The following IPO5 variants were observed in gnomAD, a reference collection of about 807,000 sequenced individuals.
IPO5 encodes the protein importin 5.
A neutral mutation model predicts 143.3 loss-of-function variants in IPO5; 18 were observed. The observed-to-expected ratio is 0.13, with a 90% CI of 0.09 to 0.19. The LOEUF (loss-of-function observed/expected upper bound fraction) is 0.19. IPO5 is among the 10% of genes least tolerant of loss of function. IPO5 has a pLI of 1.00. For synonymous variants in IPO5, 477 were observed against 465.7 expected (o/e 1.02, Z -0.31); for missense variants, 1,013 against 1,336.9 (o/e 0.76, Z 3.78).
At chr13:97,993,043 G>C (rs148571963) in intron 10 of IPO5, 29 bp downstream of exon 10, 1 of 1,611,384 alleles carries the variant, frequency 6.2e-7, no homozygotes, top group Admixed American at 1.7e-5. Context: ...TAAACGTTCT[G>C]TTTGTTATTT....
rs143202833 is a variant in IPO5 at position 97,965,901 on chromosome 13, C to T, written c.-112-3822C>T. 2.3e-3 allele frequency among the ~76,000 whole-genome samples: 354 copies of T among 151,778 alleles called. 9 individuals are homozygous for T. The East Asian group carries it at 0.062, about 27-fold the overall frequency. On this transcript the variant is annotated intron_variant, in intron 2 of 28. Transcript: ENST00000651721. ...CGCCTGTAATCCCAGCACTTTGGGG[C>T]GGCCGAGGCAGGCGGATCATGAGAT...
Position 97,969,758 on chromosome 13 carries a change from A to T in IPO5, c.-77A>T. 6.2e-7 allele frequency: 1 copy of T among 1,603,796 alleles called. No homozygotes were observed. Among genetic ancestry groups the T allele is most frequent in the Non-Finnish European group, 8.5e-7 (1 of 1,170,954 alleles). On this transcript the variant is annotated 5_prime_UTR_variant, in exon 3 of 29. Transcript: ENST00000651721. ...AAATTCCTAAGGGAACACTGCTCAGAAAGTACTGCAGCATGTCTTCAAATG... is the reference window on the plus strand; with the variant it reads ...AAATTCCTAAGGGAACACTGCTCAGTAAGTACTGCAGCATGTCTTCAAATG...
chr13:97,976,750 G>T lies in IPO5; in HGVS notation c.54G>T (p.Leu18=), dbSNP rs780409203. ...QQQFYLLLGN[L]LSPDNVVRKQ... Reference sequence around the variant, plus strand: ...AGTTCTACCTGCTCCTGGGAAACCTGCTCAGCCCCGACAATGTGGTCCGGA... The same window carrying T: ...AGTTCTACCTGCTCCTGGGAAACCTTCTCAGCCCCGACAATGTGGTCCGGA... Residue 18 remains leucine (L), a synonymous_variant, in exon 4 of 29, where the codon CTG becomes CTT. Transcript: ENST00000651721. 3 of 1,415,598 alleles carry T rather than the reference G, an allele frequency of 2.1e-6. No homozygotes were observed. The highest frequency in any genetic ancestry group is 2.8e-6 in the Non-Finnish European group (3 of 1,060,490). The allele number at this position is 1,415,598 out of a possible 1,614,324, so 87.7% of individuals were successfully genotyped here.
In IPO5 at chr13:98,002,684, C is replaced by A; in HGVS notation, c.1234C>A (p.His412Asn). Residue 412 changes from histidine to asparagine, a missense_variant and splice_region_variant, in exon 15 of 29, where the codon CAT becomes AAT. Coordinates refer to ENST00000651721, the MANE Select transcript of IPO5 (RefSeq NM_002271.6). ...NFVLLFLQDP[H>N]PRVRYAACNA... Reference sequence around the variant, plus strand: ...ACTAATGAAAGGGAACATTTTCCAGCATCCAAGAGTAAGGTATGCAGCCTG... The same window carrying A: ...ACTAATGAAAGGGAACATTTTCCAGAATCCAAGAGTAAGGTATGCAGCCTG... The A allele has an allele frequency of 6.2e-7, 1 of 1,607,796 alleles. No homozygotes were observed. The highest frequency in any genetic ancestry group is 1.1e-5 in the South Asian group (1 of 90,328).
chr13:98,011,379 C>T (rs1457325384), intron 20 of IPO5, among the ~76,000 whole-genome samples: 7 of 152,176 alleles, frequency 4.6e-5, no homozygotes, highest in African/African-American at 1.7e-4. Context: ...CAGCCTCCGT[C>T]TCCTGGGTTC....
At chr13:97,973,342 CCT>C (rs1448615012) in intron 3 of IPO5, among the ~76,000 whole-genome samples, 7 of 152,192 alleles carry the variant, frequency 4.6e-5, no homozygotes, top group East Asian at 1.9e-4. Flanking sequence ...GCACCCAGCC[CCT>C]GAGTTATTTT....
intron 4 of IPO5, among the ~76,000 whole-genome samples, chr13:97,978,048 G>GTA (rs1886530273): frequency 6.6e-6 from 1 of 152,186 alleles, no homozygotes; most frequent in Non-Finnish European, 1.5e-5. Context: ...ATTAAGTGAA[G>GTA]TAAACACACC....
At chr13:97,962,754 G>A (rs1028259678) in intron 2 of IPO5, among the ~76,000 whole-genome samples, 1 of 151,966 alleles carries the variant, frequency 6.6e-6, no homozygotes, top group Admixed American at 6.6e-5. Flanking sequence ...GGGAGGCAGA[G>A]GTTGCAGTGA....
At chr13:97,992,843 C>G (rs1416769292) in intron 9 of IPO5, 49 bp from the exon 10 acceptor site, 1 of 1,552,852 alleles carries the variant, frequency 6.4e-7, no homozygotes, top group South Asian at 1.2e-5. Context: ...GCTAATGAGG[C>G]ATTATAAAGT....
Position 98,000,714 on chromosome 13 carries a change from T to C in IPO5, c.1108+69T>C, listed in dbSNP as rs747078644. On this transcript the variant is annotated intron_variant, in intron 13 of 28. Transcript: ENST00000651721. ...TTTCTAAAGCTTAAATTCTAAGATATGTTTAGACTGTTAAAAATTAATCTT... is the reference window on the plus strand; with the variant it reads ...TTTCTAAAGCTTAAATTCTAAGATACGTTTAGACTGTTAAAAATTAATCTT... The C allele has an allele frequency of 3.9e-4, 362 of 937,488 alleles. 2 individuals carry two copies. The highest frequency in any genetic ancestry group is 5.9e-4 in the Non-Finnish European group (341 of 576,194). 58.1% of individuals were successfully genotyped at this position (937,488 alleles called of 1,614,324 possible).
At chr13:97,970,141 A>G (rs1371602564) in intron 3 of IPO5, among the ~76,000 whole-genome samples, 1 of 152,230 alleles carries the variant, frequency 6.6e-6, no homozygotes, top group African/African-American at 2.4e-5. Flanking sequence ...CAATTTTAAA[A>G]TTTCTAGTAG....
chr13:97,993,428 C>G (rs1887964045), intron 11 of IPO5, among the ~76,000 whole-genome samples: 1 of 152,220 alleles, frequency 6.6e-6, no homozygotes. Flanking sequence ...TGCAGACACC[C>G]TGAAATCTGG....
chr13:98,006,653 C>T (rs996919011), intron 17 of IPO5, among the ~76,000 whole-genome samples: 2 of 151,810 alleles, frequency 1.3e-5, no homozygotes, highest in Non-Finnish European at 2.9e-5. Flanking sequence ...GGATTACAGG[C>T]GTGAGCCACT....
chr13:98,002,691 G>A lies in IPO5; in HGVS notation c.1241G>A (p.Arg414Lys). The change falls in exon 15 of 29, where the codon AGA (arginine) becomes AAA (lysine). Residue 414 changes from arginine to lysine, a missense_variant. By Grantham distance (26) the Arg-to-Lys change is conservative. Transcript: ENST00000651721. The part of the protein sequence containing the change: ...VLLFLQDPHP[R>K]VRYAACNAVG... ...AAAGGGAACATTTTCCAGCATCCAA[G>A]AGTAAGGTATGCAGCCTGTAATGCC... The A allele has an allele frequency of 6.2e-7, 1 of 1,610,498 alleles. No homozygotes were observed. Among genetic ancestry groups the A allele is most frequent in the Non-Finnish European group, 8.5e-7 (1 of 1,178,164 alleles).
chr13:97,972,548 C>T (rs754630262), intron 3 of IPO5, among the ~76,000 whole-genome samples: 14 of 152,306 alleles, frequency 9.2e-5, no homozygotes, highest in Non-Finnish European at 1.5e-4. Flanking sequence ...TCACCCTTTT[C>T]GTAAAGGGTT....
intron 17 of IPO5, among the ~76,000 whole-genome samples, chr13:98,006,562 G>C (rs1489915037): frequency 1.3e-5 from 2 of 151,372 alleles, no homozygotes; most frequent in Non-Finnish European, 2.9e-5. Context: ...TTTTAGTAGA[G>C]ACAAGGTTTC....
chr13:97,975,319 T>C (rs1886181701), intron 3 of IPO5, among the ~76,000 whole-genome samples: 1 of 151,896 alleles, frequency 6.6e-6, no homozygotes, highest in Admixed American at 6.6e-5. Flanking sequence ...TGAAACCCCG[T>C]TTCTACTAAA....
intron 2 of IPO5, among the ~76,000 whole-genome samples, chr13:97,961,380 G>T (rs909488536): frequency 6.6e-6 from 1 of 152,176 alleles, no homozygotes; most frequent in Non-Finnish European, 1.5e-5. Flanking sequence ...AACTCAGGCT[G>T]GAGTGCAATG....
chr13:97,999,932 T>C (rs747545003), intron 12 of IPO5, among the ~76,000 whole-genome samples: 2 of 152,184 alleles, frequency 1.3e-5, no homozygotes, highest in Non-Finnish European at 2.9e-5. Context: ...GTGTTGAAAG[T>C]GTCAGAAGCT....
Sources: gnomAD v4.1 joint callset for allele counts (sites outside exome capture counted in the v4.1 genomes callset) on GRCh38, gnomAD v4.1.1 for gene constraint, MANE v1.5 for transcripts, NCBI Gene and HGNC (gene_info 2026-07-23, HGNC 2026-07-21) for gene names.